CRACR2A: variants seen among roughly 807,000 people sequenced by gnomAD.
The protein encoded by CRACR2A is calcium release activated channel regulator 2A, also known as EF-hand calcium-binding domain-containing protein 4B.
A neutral mutation model predicts 90.5 loss-of-function variants in CRACR2A; 79 were observed. The observed-to-expected ratio is 0.87, with a 90% confidence interval of 0.73 to 1.05. The LOEUF (loss-of-function observed/expected upper bound fraction) is 1.05, where lower values mean the gene tolerates loss of function less well. Ranked by LOEUF, CRACR2A falls within the 50% of genes least tolerant of loss-of-function variation. The pLI is 0.00. For missense variants in CRACR2A, 823 were observed against 897.2 expected (o/e 0.92, Z 1.06); for synonymous variants, 338 against 356.7 (o/e 0.95, Z 0.59).
In CRACR2A at chr12:3,633,418, G is replaced by T. The variant is rs1944407948; in HGVS notation, c.1735+186C>A. The stretch of plus-strand genomic sequence containing the variant: ...GGATGAGCTTAGCAGCTAGCAGCGT[G>T]AGGGGAGGTGGCTTCATCTTGCCCC... On this transcript the variant is annotated intron_variant, in intron 15 of 19. Transcript: ENST00000440314. The surrounding 1 kb of genome is among the most constrained non-coding windows in gnomAD (Gnocchi z 4.5). Among the ~76,000 whole-genome samples, 1 of 152,168 alleles carries T rather than the reference G, an allele frequency of 6.6e-6. No homozygotes were observed. Among genetic ancestry groups the T allele is most frequent in the Admixed American group, 6.5e-5 (1 of 15,280 alleles).
rs114429579 is a variant in CRACR2A at position 3,699,905 on chromosome 12, T to A, written c.-36-2870A>T. 8.0e-3 allele frequency among the ~76,000 whole-genome samples: 1,217 copies of A among 152,288 alleles called. 15 individuals are homozygous for A. The highest frequency in any genetic ancestry group is 0.028 in the African/African-American group (1,155 of 41,554). ...AGGCAGGTAGCTCTATATGTGGAATTTTTATCTTATAATGAGTAAGTCTAG... is the reference window on the plus strand; with the variant it reads ...AGGCAGGTAGCTCTATATGTGGAATATTTATCTTATAATGAGTAAGTCTAG... On this transcript the variant is annotated intron_variant, in intron 3 of 19. Transcript: ENST00000440314.
chr12:3,729,379 G>A (rs1343424857), intron 2 of CRACR2A: 1 of 152,214 alleles, frequency 6.6e-6, no homozygotes, highest in Non-Finnish European at 1.5e-5. Context: ...CTTAGAAGGT[G>A]AGAGGCTTAA....
At chr12:3,712,570 A>G (rs1171515986) in intron 3 of CRACR2A, among the ~76,000 whole-genome samples, 1 of 152,226 alleles carries the variant, frequency 6.6e-6, no homozygotes, top group East Asian at 1.9e-4. Context: ...GCACCAAGCC[A>G]TGAGGGATAG....
In CRACR2A at chr12:3,679,032, T is replaced by C. The variant is rs34088152; in HGVS notation, c.407A>G (p.His136Arg). 14 of 1,613,928 alleles carry C rather than the reference T, an allele frequency of 8.7e-6. No individual in the cohort carries two copies. Among genetic ancestry groups the C allele is most frequent in the Non-Finnish European group, 1.2e-5 (14 of 1,179,992 alleles). The part of the protein sequence containing the change: ...EDAGEQVAQR[H>R]EEKVYLSRGD... ...TCTGGACAGATACACCTTCTCTTCA[T>C]GGCGCTGGGCCACCTGTTCACCTGC... Residue 136 changes from histidine to arginine, a missense_variant, in exon 6 of 20, where the codon CAT (histidine) becomes CGT (arginine). Transcript: ENST00000440314.
chr12:3,725,359 G>A (rs944608138), intron 2 of CRACR2A, among the ~76,000 whole-genome samples: 2 of 152,024 alleles, frequency 1.3e-5, no homozygotes, highest in Admixed American at 6.6e-5. Flanking sequence ...TGCTTCTTCC[G>A]GCTCTGGTAC....
At chr12:3,641,197 A>G (rs1944563015) in intron 13 of CRACR2A, among the ~76,000 whole-genome samples, 1 of 152,142 alleles carries the variant, frequency 6.6e-6, no homozygotes, top group Non-Finnish European at 1.5e-5. Context: ...TACAAAAATT[A>G]GATGGGCGTG....
intron 1 of CRACR2A, among the ~76,000 whole-genome samples, chr12:3,741,480 C>T (rs1946524247): frequency 6.6e-6 from 1 of 152,208 alleles, no homozygotes; most frequent in African/African-American, 2.4e-5. Context: ...ATAAGCAACG[C>T]CCATTTAAAA....
chr12:3,722,802 T>G (rs1946203374), intron 2 of CRACR2A, among the ~76,000 whole-genome samples: 1 of 152,192 alleles, frequency 6.6e-6, no homozygotes, highest in Non-Finnish European at 1.5e-5. Flanking sequence ...ATGAAAATGT[T>G]GATACAACTG....
chr12:3,631,130 G>A (rs549677980), intron 15 of CRACR2A, among the ~76,000 whole-genome samples: 1 of 152,320 alleles, frequency 6.6e-6, no homozygotes, highest in African/African-American at 2.4e-5. Context: ...CCAGAGCAGG[G>A]CCTGCAGTGT....
In CRACR2A at chr12:3,745,405, G is replaced by A. The variant is rs560268985; in HGVS notation, c.-387+7610C>T. Among the ~76,000 whole-genome samples, 24 of 152,142 alleles carry A rather than the reference G, an allele frequency of 1.6e-4. No individual in the cohort carries two copies. In the East Asian group the frequency reaches 2.5e-3, roughly 16 times the overall value. ...CGTGTCCTCCTCTGGGGATGGTGGCGCTGCTGCTGTCTTGCTCACAAAACC... is the reference window on the plus strand; with the variant it reads ...CGTGTCCTCCTCTGGGGATGGTGGCACTGCTGCTGTCTTGCTCACAAAACC... On this transcript the variant is annotated intron_variant, in intron 1 of 19. Transcript: ENST00000440314.
intron 7 of CRACR2A, among the ~76,000 whole-genome samples, chr12:3,660,880 ACACACAC>A (rs1474168513): frequency 0.013 from 1,419 of 109,038 alleles, 41 homozygotes; most frequent in East Asian, 0.1. Flanking sequence ...ACACACACAC[ACACACAC>A]AATTTTGGCC....
At chr12:3,733,973 A>ATTT (rs1166347439) in intron 1 of CRACR2A, among the ~76,000 whole-genome samples, 18,347 of 99,540 alleles carry the variant, frequency 0.18, 3,813 homozygotes, top group Middle Eastern at 0.25. Flanking sequence ...ATTTTGCCTT[A>ATTT]TTTTTTTTTT....
intron 2 of CRACR2A, among the ~76,000 whole-genome samples, chr12:3,716,081 G>C (rs1327188571): frequency 6.6e-6 from 1 of 151,426 alleles, no homozygotes; most frequent in African/African-American, 2.4e-5. Context: ...TTCTTTTTAG[G>C]TGTTTTTCTT....
At chr12:3,664,470 C>T (rs1247679450) in intron 7 of CRACR2A, among the ~76,000 whole-genome samples, 1 of 152,010 alleles carries the variant, frequency 6.6e-6, no homozygotes, top group African/African-American at 2.4e-5. Context: ...TTTCTAAAAG[C>T]TTCTGCCTTA....
chr12:3,648,587 A>G lies in CRACR2A; in HGVS notation c.1073T>C (p.Leu358Pro). 1 of 1,614,124 alleles carries G rather than the reference A, an allele frequency of 6.2e-7. No homozygotes were observed. The highest frequency in any genetic ancestry group is 8.5e-7 in the Non-Finnish European group (1 of 1,179,998). Residue 358 changes from leucine (L) to proline (P), a missense_variant, in exon 11 of 20, where the codon CTA becomes CCA. Physicochemically the swap from Leu to Pro is moderately conservative, Grantham distance 98 (BLOSUM62 -3). Transcript: ENST00000440314. ...GAGGAGCCCGGCCTTCTCACGCTGT[A>G]GACTCTCCGTCACACGGTACACTTC... ...EMEVYRVTES[L>P]QREKAGLLKQ...
intron 14 of CRACR2A, among the ~76,000 whole-genome samples, chr12:3,635,253 G>T (rs1040232974): frequency 6.6e-6 from 1 of 152,158 alleles, no homozygotes; most frequent in Non-Finnish European, 1.5e-5. Flanking sequence ...GTCCCCTCTG[G>T]GGGACAGGCC....
intron 4 of CRACR2A, among the ~76,000 whole-genome samples, chr12:3,688,490 G>C (rs1410961875): frequency 6.6e-6 from 1 of 152,202 alleles, no homozygotes; most frequent in East Asian, 1.9e-4. Context: ...TCAAAGATCA[G>C]ATGGTTGTGG....
At chr12:3,747,679 G>A (rs539302405) in intron 1 of CRACR2A, among the ~76,000 whole-genome samples, 20 of 152,270 alleles carry the variant, frequency 1.3e-4, no homozygotes, top group South Asian at 2.1e-4. Flanking sequence ...AACCTCCCAC[G>A]TCCCCTGGTG....
At chr12:3,656,433 A>G (rs1406227683) in intron 8 of CRACR2A, 27 bp from the exon 9 acceptor site, 2 of 1,610,744 alleles carry the variant, frequency 1.2e-6, no homozygotes, top group African/African-American at 2.7e-5. Flanking sequence ...AGGGACACAC[A>G]GGACCCAAAT....
Sources: gnomAD v4.1 joint callset for allele counts (sites outside exome capture counted in the v4.1 genomes callset) on GRCh38, gnomAD v4.1.1 for gene constraint, Gnocchi (gnomAD v3.1) non-coding constraint, MANE v1.5 for transcripts, NCBI Gene and HGNC (gene_info 2026-07-23, HGNC 2026-07-21) for gene names.